The following MAN1A2 variants were observed in gnomAD, a reference collection of about 807,000 sequenced individuals.
MAN1A2 encodes mannosyl-oligosaccharide 1,2-alpha-mannosidase IB.
In MAN1A2, 26 loss-of-function variants were observed where a neutral mutation model predicts 75.7. The observed-to-expected ratio is 0.34, with a 90% confidence interval of 0.25 to 0.48. MAN1A2 has a LOEUF of 0.48. Among genes scored for constraint, MAN1A2 ranks in the 20% least tolerant of loss-of-function variants. MAN1A2 has a pLI of 0.99. For synonymous variants in MAN1A2, 247 were observed against 264.6 expected, an observed-to-expected ratio of 0.93 and a Z score of 0.65; for missense variants, 562 against 775.5, an observed-to-expected ratio of 0.72 and a Z score of 3.27.
chr1:117,408,423 G>C (rs1269415476), intron 3 of MAN1A2, among the ~76,000 whole-genome samples: 1 of 151,772 alleles, frequency 6.6e-6, no homozygotes, highest in Admixed American at 6.6e-5. Context: ...TTTGTAAAAA[G>C]TATTCTTTGA....
At chr1:117,502,630 T>A (rs541150596) in intron 11 of MAN1A2, among the ~76,000 whole-genome samples, 117 of 151,814 alleles carry the variant, frequency 7.7e-4, no homozygotes, top group African/African-American at 2.5e-3. Context: ...TTAAAAAGAT[T>A]AAAGAGTTTT....
intron 3 of MAN1A2, among the ~76,000 whole-genome samples, chr1:117,410,381 C>T (rs1647766447): frequency 6.6e-6 from 1 of 151,730 alleles, no homozygotes; most frequent in Non-Finnish European, 1.5e-5. Context: ...CATTTAACAT[C>T]CATCGATGAT....
chr1:117,488,675 G>T (rs1405177922), intron 8 of MAN1A2, among the ~76,000 whole-genome samples: 4 of 151,994 alleles, frequency 2.6e-5, no homozygotes, highest in African/African-American at 9.7e-5. Flanking sequence ...GTATATACAT[G>T]TGTAAACATC....
intron 8 of MAN1A2, among the ~76,000 whole-genome samples, chr1:117,476,711 G>C (rs1650325221): frequency 6.6e-6 from 1 of 151,934 alleles, no homozygotes. Flanking sequence ...TGTTTCATTG[G>C]TCTATATTTC....
At chr1:117,372,201 A>G (rs961333828) in intron 1 of MAN1A2, among the ~76,000 whole-genome samples, 1 of 152,076 alleles carries the variant, frequency 6.6e-6, no homozygotes, top group Non-Finnish European at 1.5e-5. Flanking sequence ...TAACAAGTTA[A>G]GAGGGGCTGG....
rs1651915502 is a variant in MAN1A2, at chr1:117,523,111, A to G, written c.*154A>G. The G allele has an allele frequency of 1.7e-5, 14 of 808,168 alleles. 1 individual carries two copies. The South Asian group carries it at 1.8e-4, about 11-fold the overall frequency. The allele number at this position is 808,168 out of a possible 1,614,324, so 50.1% of individuals were successfully genotyped here. A position where few individuals can be genotyped will look rare whatever the true frequency, so the allele number is the denominator to read the frequency against. ...CTAAGACTGTTCAACTTGTAGATAC[A>G]TCAACTTTGAAATTATTCCATTTTA... On this transcript the variant is annotated 3_prime_UTR_variant, in exon 13 of 13. Transcript: ENST00000356554.
intron 4 of MAN1A2, 100 bp from the exon 5 acceptor site, chr1:117,420,469 T>G: frequency 1.3e-6 from 1 of 795,326 alleles, no homozygotes; most frequent in East Asian, 2.7e-5. Flanking sequence ...GAAAAATATT[T>G]TCCACAGGGT....
intron 1 of MAN1A2, among the ~76,000 whole-genome samples, chr1:117,401,089 T>A (rs1647409216): frequency 6.6e-6 from 1 of 152,076 alleles, no homozygotes; most frequent in South Asian, 2.1e-4. Context: ...CTTCTTTAAG[T>A]ACCTTCTACA....
chr1:117,408,632 A>G (rs890496243), intron 3 of MAN1A2, among the ~76,000 whole-genome samples: 10 of 152,178 alleles, frequency 6.6e-5, no homozygotes, highest in African/African-American at 2.4e-4. Flanking sequence ...TTGTTTTGAT[A>G]TCAGAGTAAT....
chr1:117,507,808 G>A (rs1651419877), intron 12 of MAN1A2, among the ~76,000 whole-genome samples: 1 of 151,650 alleles, frequency 6.6e-6, no homozygotes. Flanking sequence ...TGGTACTACT[G>A]TCCCCTCTCC....
chr1:117,422,716 T>G (rs1648236591), intron 5 of MAN1A2, among the ~76,000 whole-genome samples: 1 of 152,150 alleles, frequency 6.6e-6, no homozygotes. Context: ...GTCATATGTA[T>G]TTTTTGAATT....
At chr1:117,455,605 A>C (rs1649552951) in intron 6 of MAN1A2, among the ~76,000 whole-genome samples, 1 of 152,140 alleles carries the variant, frequency 6.6e-6, no homozygotes, top group Non-Finnish European at 1.5e-5. Flanking sequence ...TAACTTTGAA[A>C]ACATATTTAG....
At position 117,524,633 on chromosome 1, in the gene MAN1A2, A is replaced by G. The variant is rs1274019992; in HGVS notation, c.*1676A>G. 6.6e-6 allele frequency: 1 copy of G among 151,958 alleles called. No individual in the cohort carries two copies. Among genetic ancestry groups the G allele is most frequent in the African/African-American group, 2.4e-5 (1 of 41,392 alleles). 9.4% of individuals were successfully genotyped at this position (151,958 alleles called of 1,614,324 possible). ...ACTAATATAGTATTTTCTAAGGTTG[A>G]TCATCTTATACCACGAATCGTTAAT... is the stretch of plus-strand genomic sequence containing the variant. On this transcript the variant is annotated 3_prime_UTR_variant, in exon 13 of 13. Transcript: ENST00000356554.
rs1435775123 is a variant in MAN1A2 at position 117,367,958 on chromosome 1, A to C, written c.-226A>C. 2 of 535,092 alleles carry C rather than the reference A, an allele frequency of 3.7e-6. No individual in the cohort carries two copies. The highest frequency in any genetic ancestry group is 6.2e-5 in the East Asian group (2 of 32,480). The allele number at this position is 535,092 out of a possible 1,614,324, so 33.1% of individuals were successfully genotyped here. Reference sequence around the variant, plus strand: ...CGATGAAGTACAGATGTTGAAGAGGATATCGCAGGACCTAAACTTGTGATC... The same window carrying C: ...CGATGAAGTACAGATGTTGAAGAGGCTATCGCAGGACCTAAACTTGTGATC... On this transcript the variant is annotated 5_prime_UTR_variant, in exon 1 of 13. Transcript: ENST00000356554.
chr1:117,429,793 T>G, intron 5 of MAN1A2, among the ~76,000 whole-genome samples: 1 of 93,858 alleles, frequency 1.1e-5, no homozygotes, highest in African/African-American at 4.2e-5. Flanking sequence ...ACGGGGCGGC[T>G]GGCCGGGCGG....
Position 117,466,446 on chromosome 1 carries a change from C to T in MAN1A2, c.1168+19C>T. On this transcript the variant is annotated intron_variant, in intron 8 of 12. Coordinates refer to ENST00000356554, the MANE Select transcript of MAN1A2 (RefSeq NM_006699.5). The stretch of plus-strand genomic sequence containing the variant: ...GGTCAGTGTAAGTATTCTAGTATAC[C>T]TGAGGCTTTCTTAAAAAATTATTTG... 6.9e-7 allele frequency: 1 copy of T among 1,443,382 alleles called. No individual in the cohort carries two copies. The highest frequency in any genetic ancestry group is 9.5e-7 in the Non-Finnish European group (1 of 1,052,546). The allele number at this position is 1,443,382 out of a possible 1,614,324, so 89.4% of individuals were successfully genotyped here. A position where few individuals can be genotyped will look rare whatever the true frequency, so the allele number is the denominator to read the frequency against.
chr1:117,422,667 A>G (rs1378971956), intron 5 of MAN1A2, among the ~76,000 whole-genome samples: 1 of 152,116 alleles, frequency 6.6e-6, no homozygotes, highest in African/African-American at 2.4e-5. Flanking sequence ...GCATTCCCTG[A>G]TGACAAGTGA....
At chr1:117,517,395 T>TTTATGATA (rs1315934633) in intron 12 of MAN1A2, among the ~76,000 whole-genome samples, 29 of 152,158 alleles carry the variant, frequency 1.9e-4, no homozygotes, top group Non-Finnish European at 2.5e-4. Flanking sequence ...AGTTAAAATA[T>TTTATGATA]TTATGATAAC....
At position 117,526,880 on chromosome 1, in the gene MAN1A2, C is replaced by CTCTCTCTCTCTCTCTCTCTCTATATATA; in HGVS notation, c.*3924_*3925insCTCTCTCTCTCTCTCTCTCTATATATAT. 3 of 54,518 alleles carry CTCTCTCTCTCTCTCTCTCTCTATATATA rather than the reference C, an allele frequency of 5.5e-5. No homozygotes were observed. The highest frequency in any genetic ancestry group is 2.4e-4 in the African/African-American group (3 of 12,284). 3.4% of individuals were successfully genotyped at this position (54,518 alleles called of 1,614,324 possible). A position where few individuals can be genotyped will look rare whatever the true frequency, so the allele number is the denominator to read the frequency against. On this transcript the variant is annotated 3_prime_UTR_variant, in exon 13 of 13. Transcript: ENST00000356554. ...TCTCTCTCTCTCTCTCTCTCTCTCT[C>CTCTCTCTCTCTCTCTCTCTCTATATATA]TATATATATATATATATATATATAT...
Sources: allele counts gnomAD v4.1 joint callset (sites outside exome capture counted in the v4.1 genomes callset), GRCh38; gene constraint gnomAD v4.1.1; transcripts MANE v1.5; gene names NCBI Gene and HGNC (gene_info 2026-07-23, HGNC 2026-07-21).